Variants in TCF7L2 observed in about 807,000 individuals in gnomAD.
The protein encoded by TCF7L2 is transcription factor 7-like 2.
TCF7L2 carries 23 observed loss-of-function variants against 77.9 expected under a neutral mutation model. The observed-to-expected ratio is 0.30, with a 90% CI of 0.21 to 0.42. The LOEUF is 0.42. Among genes scored for constraint, TCF7L2 ranks in the 10% least tolerant of loss-of-function variants. The pLI is 1.00. For synonymous variants in TCF7L2, 413 were observed against 340.2 expected, an observed-to-expected ratio of 1.21 and a Z score of -2.36; for missense variants, 654 against 793.1, an observed-to-expected ratio of 0.82 and a Z score of 2.11.
Position 113,125,243 on chromosome 10 carries a change from GAA to G in TCF7L2, c.553-15930_553-15929del, listed in dbSNP as rs11302360. 3.3e-3 allele frequency among the ~76,000 whole-genome samples: 475 copies of G among 146,114 alleles called. 2 individuals carry two copies. The highest frequency in any genetic ancestry group is 0.011 in the African/African-American group (432 of 39,994). The stretch of plus-strand genomic sequence containing the variant: ...CTTTTTTTAAAAAGAAAAGATTTCA[GAA>G]AAAAAAAAAAGTCGTCTTTTTCTTT... On this transcript the variant is annotated intron_variant, in intron 5 of 13. Coordinates refer to ENST00000627217, the MANE Select transcript of TCF7L2 (RefSeq NM_001146274.2).
At chr10:113,144,387 GT>G in intron 7 of TCF7L2, among the ~76,000 whole-genome samples, 1 of 152,164 alleles carries the variant, frequency 6.6e-6, no homozygotes, top group African/African-American at 2.4e-5. Flanking sequence ...CCCTTCTGCT[GT>G]TGGCTGCCCA....
chr10:113,165,032 GTCTT>G (rs1420947458), intron 13 of TCF7L2, among the ~76,000 whole-genome samples: 1 of 151,736 alleles, frequency 6.6e-6, no homozygotes, highest in Non-Finnish European at 1.5e-5. Context: ...AAGGAGCTCT[GTCTT>G]TCTCTTTTAA....
At chr10:113,124,535 T>A (rs1057326086) in intron 5 of TCF7L2, among the ~76,000 whole-genome samples, 9 of 152,180 alleles carry the variant, frequency 5.9e-5, no homozygotes, top group African/African-American at 1.9e-4. Context: ...CTGCTATTCC[T>A]AAAACATCTA....
intron 4 of TCF7L2, among the ~76,000 whole-genome samples, chr10:113,003,913 T>C (rs1204416388): frequency 6.6e-6 from 1 of 152,168 alleles, no homozygotes; most frequent in Non-Finnish European, 1.5e-5. Context: ...ACAGGGACCA[T>C]AGAGGAGCAC....
intron 4 of TCF7L2, among the ~76,000 whole-genome samples, chr10:113,011,307 G>A (rs980702177): frequency 6.6e-6 from 1 of 152,180 alleles, no homozygotes; most frequent in Non-Finnish European, 1.5e-5. Flanking sequence ...AGGAAAGATG[G>A]GGTTAACCGG....
intron 5 of TCF7L2, among the ~76,000 whole-genome samples, chr10:113,123,380 C>A (rs181999560): frequency 3.3e-5 from 5 of 152,316 alleles, no homozygotes; most frequent in African/African-American, 1.2e-4. Flanking sequence ...TTACTTTAGA[C>A]ATCTCAGGTT....
intron 3 of TCF7L2, among the ~76,000 whole-genome samples, chr10:112,955,109 AC>A (rs1258384632): frequency 3.7e-5 from 5 of 136,972 alleles, no homozygotes; most frequent in Non-Finnish European, 7.8e-5. Context: ...CCCCCACCTC[AC>A]CCCTGATTGT....
At chr10:113,094,702 C>T (rs1017461844) in intron 5 of TCF7L2, among the ~76,000 whole-genome samples, 7 of 152,204 alleles carry the variant, frequency 4.6e-5, no homozygotes, top group African/African-American at 1.7e-4. Flanking sequence ...GTTTATTTTA[C>T]ATCTCTCTAT....
intron 5 of TCF7L2, among the ~76,000 whole-genome samples, chr10:113,134,611 A>C (rs1239565934): frequency 1.3e-5 from 2 of 152,206 alleles, no homozygotes; most frequent in Admixed American, 1.3e-4. Context: ...CTCTTCCCCA[A>C]CTTACCACAT....
intron 4 of TCF7L2, among the ~76,000 whole-genome samples, chr10:112,999,352 G>A (rs531756424): frequency 1.6e-4 from 24 of 152,388 alleles, no homozygotes; most frequent in South Asian, 1.2e-3. Flanking sequence ...ACCTTGTAGC[G>A]CACTAGGCGT....
intron 4 of TCF7L2, among the ~76,000 whole-genome samples, chr10:113,036,302 C>T (rs2051237102): frequency 6.6e-6 from 1 of 152,024 alleles, no homozygotes; most frequent in Non-Finnish European, 1.5e-5. Flanking sequence ...GATGAAGGCC[C>T]CTCTATGGGA....
intron 12 of TCF7L2, 127 bp downstream of exon 13, chr10:113,158,844 C>T (rs1293117993): frequency 2.0e-5 from 18 of 898,558 alleles, no homozygotes; most frequent in South Asian, 1.6e-4. Flanking sequence ...ACCATCAACA[C>T]GGTTTCGTAT....
chr10:113,081,452 A>G (rs187212390), intron 5 of TCF7L2, among the ~76,000 whole-genome samples: 26 of 152,308 alleles, frequency 1.7e-4, no homozygotes, highest in African/African-American at 6.3e-4. Context: ...CTTCTGCTTA[A>G]TGTTCTTCCA....
At chr10:113,155,557 G>T (rs2071692564) in intron 11 of TCF7L2, among the ~76,000 whole-genome samples, 1 of 152,158 alleles carries the variant, frequency 6.6e-6, no homozygotes, top group South Asian at 2.1e-4. Flanking sequence ...ACATCTCCGT[G>T]CTATATCCTA....
intron 3 of TCF7L2, among the ~76,000 whole-genome samples, chr10:112,961,317 C>T (rs977140379): frequency 1.1e-4 from 16 of 149,672 alleles, no homozygotes; most frequent in South Asian, 2.1e-4. Flanking sequence ...CCATCGTGCC[C>T]GGCCAGAACC....
In TCF7L2 at chr10:112,978,832, C is replaced by G. The variant is rs145994684; in HGVS notation, c.450+14208C>G. ...ATGATTCCACTTCTTTTAAAATATA[C>G]ATATATATTTTTATTATACTTTAAG... is the stretch of plus-strand genomic sequence containing the variant. On this transcript the variant is annotated intron_variant, in intron 4 of 13. Transcript: ENST00000627217. 2.3e-3 allele frequency among the ~76,000 whole-genome samples: 344 copies of G among 151,866 alleles called. 1 individual carries two copies. The highest frequency in any genetic ancestry group is 7.8e-3 in the African/African-American group (324 of 41,450).
chr10:112,980,041 A>C (rs529932287), intron 4 of TCF7L2, among the ~76,000 whole-genome samples: 1 of 152,298 alleles, frequency 6.6e-6, no homozygotes, highest in East Asian at 1.9e-4. Flanking sequence ...ATCTGAAGGT[A>C]TTTGTGCTGA....
At chr10:113,008,777 C>T (rs1304164520) in intron 4 of TCF7L2, among the ~76,000 whole-genome samples, 6 of 152,162 alleles carry the variant, frequency 3.9e-5, no homozygotes, top group Non-Finnish European at 8.8e-5. Flanking sequence ...GCCTTCCTTT[C>T]CCTCCTTTAG....
At chr10:112,972,052 C>T (rs1442386511) in intron 4 of TCF7L2, among the ~76,000 whole-genome samples, 3 of 152,072 alleles carry the variant, frequency 2.0e-5, no homozygotes, top group African/African-American at 7.2e-5. Context: ...TCCCGCTGGC[C>T]GTCATTTTTA....
Sources: gnomAD v4.1 joint callset for allele counts (sites outside exome capture counted in the v4.1 genomes callset) on GRCh38, gnomAD v4.1.1 for gene constraint, MANE v1.5 for transcripts, NCBI Gene and HGNC (gene_info 2026-07-23, HGNC 2026-07-21) for gene names.